The following AVEN variants were observed in gnomAD, a reference collection of about 807,000 sequenced individuals.
The protein encoded by AVEN is apoptosis and caspase activation inhibitor, also known as cell death regulator Aven.
AVEN carries 41 observed loss-of-function variants against 38.1 expected under a neutral mutation model. That is an observed-to-expected ratio of 1.08 (90% CI 0.84 to 1.40). The LOEUF (loss-of-function observed/expected upper bound fraction) is 1.40. Among genes scored for constraint, AVEN ranks in the 40% most tolerant of loss-of-function variants. The probability of loss-of-function intolerance (pLI) is 0.00; values close to 1 mark genes in which losing one functional copy is unlikely to be tolerated. For missense variants in AVEN, 605 were observed against 438.8 expected (o/e 1.38, Z -3.38); for synonymous variants, 206 against 171.8 (o/e 1.20, Z -1.56).
intron 1 of AVEN, among the ~76,000 whole-genome samples, chr15:34,007,948 G>A (rs1217681404): frequency 6.6e-6 from 1 of 152,158 alleles, no homozygotes; most frequent in Non-Finnish European, 1.5e-5. Context: ...ATGAGGACAT[G>A]AGTTATACTG....
chr15:33,928,774 GC>G (rs1362019277), intron 2 of AVEN, among the ~76,000 whole-genome samples: 1 of 152,162 alleles, frequency 6.6e-6, no homozygotes, highest in Admixed American at 6.5e-5. Context: ...GTGCTCCCAG[GC>G]AGGAAGGGCC....
At chr15:34,050,846 T>C (rs1202152098) in intron 5 of AVEN, among the ~76,000 whole-genome samples, 1 of 152,172 alleles carries the variant, frequency 6.6e-6, no homozygotes, top group Non-Finnish European at 1.5e-5. Flanking sequence ...CCCAGATTCA[T>C]AAAACAAGTT....
chr15:34,028,103 C>G (rs560561916), intron 1 of AVEN, among the ~76,000 whole-genome samples: 121 of 152,182 alleles, frequency 8.0e-4, no homozygotes, highest in African/African-American at 2.7e-3. Flanking sequence ...ACAGAGAGAC[C>G]CCCCCTCAGC....
chr15:33,918,757 C>CA (rs1442447351), intron 2 of AVEN, among the ~76,000 whole-genome samples: 3 of 151,878 alleles, frequency 2.0e-5, no homozygotes, highest in Non-Finnish European at 4.4e-5. Context: ...ACCCAGCCTA[C>CA]AGCATCCTTT....
chr15:33,944,653 C>CA (rs1270579699), intron 2 of AVEN, among the ~76,000 whole-genome samples: 1 of 151,852 alleles, frequency 6.6e-6, no homozygotes, highest in African/African-American at 2.4e-5. Flanking sequence ...ATTAAAAATA[C>CA]AAAAAATTAG....
chr15:33,902,953 A>G (rs538501215), intron 2 of AVEN, among the ~76,000 whole-genome samples: 53 of 152,330 alleles, frequency 3.5e-4, no homozygotes, highest in African/African-American at 1.3e-3. Flanking sequence ...CTGCTAAAGC[A>G]AATGCCATCT....
intron 1 of AVEN, among the ~76,000 whole-genome samples, chr15:34,015,915 A>G (rs1897883070): frequency 6.6e-6 from 1 of 152,218 alleles, no homozygotes. Context: ...CTGGCTCCTT[A>G]GATGCACTCT....
At chr15:33,886,646 A>C (rs942446465) in intron 2 of AVEN, among the ~76,000 whole-genome samples, 1 of 152,190 alleles carries the variant, frequency 6.6e-6, no homozygotes, top group Non-Finnish European at 1.5e-5. Context: ...GTGAAGAAGA[A>C]CATGTCTACT....
chr15:33,861,760 T>C (rs1457759203), downstream of AVEN, among the ~76,000 whole-genome samples: 16 of 152,196 alleles, frequency 1.1e-4, no homozygotes, highest in Admixed American at 1.0e-3. Flanking sequence ...TTCTCATTAA[T>C]AGCTAAGCCC....
chr15:33,983,208 A>ATG (rs1896258573), intron 2 of AVEN, among the ~76,000 whole-genome samples: 1 of 16,386 alleles, frequency 6.1e-5, no homozygotes, highest in Non-Finnish European at 1.2e-4. Context: ...GTGTATATAT[A>ATG]TATATACATA....
intron 1 of AVEN, among the ~76,000 whole-genome samples, chr15:34,029,834 T>C (rs1898686873): frequency 6.6e-6 from 1 of 152,192 alleles, no homozygotes. Flanking sequence ...AGCCCAAATA[T>C]TGAACAGAGA....
chr15:33,920,658 T>C (rs776390018), intron 2 of AVEN, among the ~76,000 whole-genome samples: 2 of 152,240 alleles, frequency 1.3e-5, no homozygotes, highest in African/African-American at 4.8e-5. Flanking sequence ...TGTCTTGCCA[T>C]GAGACTGTGC....
At chr15:34,042,402 T>G (rs1029060680), upstream of AVEN, among the ~76,000 whole-genome samples, 3 of 148,848 alleles carry the variant, frequency 2.0e-5, no homozygotes, top group Admixed American at 6.7e-5. Context: ...CTAAGTTTTT[T>G]TTTTTTTTTT....
At chr15:33,927,039 G>A (rs1206183106) in intron 2 of AVEN, among the ~76,000 whole-genome samples, 1 of 152,128 alleles carries the variant, frequency 6.6e-6, no homozygotes, top group Admixed American at 6.5e-5. Context: ...CGGATCACAA[G>A]GTCAGGAGAT....
chr15:34,025,662 A>T (rs1898423924), intron 1 of AVEN, among the ~76,000 whole-genome samples: 1 of 152,176 alleles, frequency 6.6e-6, no homozygotes, highest in East Asian at 1.9e-4. Context: ...ATACACATTG[A>T]AGTGTTTAGG....
At position 33,866,735 on chromosome 15, in the gene AVEN, GA is replaced by G. The variant is rs752381403; in HGVS notation, c.974-8del. Reference sequence around the variant, plus strand: ...ACAGATGGTTTTGCACAAACTGGGGGAAAAAAAACAATGTTAACACCCTCAG... The same window carrying G: ...ACAGATGGTTTTGCACAAACTGGGGGAAAAAAACAATGTTAACACCCTCAG... On this transcript the variant is annotated splice_polypyrimidine_tract_variant and splice_region_variant and intron_variant, in intron 5 of 5. Transcript: ENST00000306730. 32 of 1,591,650 alleles carry G rather than the reference GA, an allele frequency of 2.0e-5. 1 individual carries two copies. The highest frequency in any genetic ancestry group is 8.9e-5 in the South Asian group (8 of 89,782).
intron 5 of AVEN, among the ~76,000 whole-genome samples, chr15:34,045,198 T>A (rs1899641188): frequency 6.6e-6 from 1 of 152,254 alleles, no homozygotes; most frequent in Admixed American, 6.5e-5. Context: ...GTTCAAGGAC[T>A]ATCGTATATC....
chr15:33,936,389 G>C (rs1894060686), intron 2 of AVEN, among the ~76,000 whole-genome samples: 1 of 152,084 alleles, frequency 6.6e-6, no homozygotes, highest in Non-Finnish European at 1.5e-5. Flanking sequence ...AGCAATCCTT[G>C]CGTTATACCA....
At chr15:33,997,369 G>C (rs551572602) in intron 2 of AVEN, among the ~76,000 whole-genome samples, 31 of 152,220 alleles carry the variant, frequency 2.0e-4, no homozygotes, top group African/African-American at 5.5e-4. Context: ...GTGAGCAGCA[G>C]TTCACAAAGA....
Sources: gnomAD v4.1 joint callset for allele counts (sites outside exome capture counted in the v4.1 genomes callset) on GRCh38, gnomAD v4.1.1 for gene constraint, MANE v1.5 for transcripts, NCBI Gene and HGNC (gene_info 2026-07-23, HGNC 2026-07-21) for gene names.